Variants in KIT observed in about 807,000 individuals in gnomAD.
KIT encodes KIT proto-oncogene, receptor tyrosine kinase.
In KIT, 16 loss-of-function variants were observed where a neutral mutation model predicts 105.7. The ratio of observed to expected loss-of-function variants is 0.15; its 90% confidence interval spans 0.10 to 0.23. The LOEUF is 0.23. Ranked by LOEUF, KIT falls within the 10% of genes least tolerant of loss-of-function variation. KIT has a pLI of 1.00. For synonymous variants in KIT, 438 were observed against 441.1 expected (o/e 0.99, Z 0.09); for missense variants, 858 against 1,213.8 (o/e 0.71, Z 4.36).
intron 1 of KIT, among the ~76,000 whole-genome samples, chr4:54,672,065 T>C (rs553816888): frequency 6.6e-6 from 1 of 152,276 alleles, no homozygotes; most frequent in African/African-American, 2.4e-5. Context: ...TGAAGATACA[T>C]AAAAATATAA....
intron 1 of KIT, among the ~76,000 whole-genome samples, chr4:54,686,373 A>C (rs1188003404): frequency 6.6e-6 from 1 of 152,222 alleles, no homozygotes; most frequent in African/African-American, 2.4e-5. Context: ...TACAGTACTG[A>C]GACCTGGCAT....
intron 1 of KIT, among the ~76,000 whole-genome samples, chr4:54,666,059 G>A (rs1010092201): frequency 4.6e-5 from 7 of 152,114 alleles, no homozygotes; most frequent in Admixed American, 4.6e-4. Flanking sequence ...TGGGTATAGA[G>A]GAGGACATAG....
At chr4:54,716,375 G>A (rs1721498289) in intron 7 of KIT, among the ~76,000 whole-genome samples, 2 of 152,018 alleles carry the variant, frequency 1.3e-5, no homozygotes, top group Non-Finnish European at 2.9e-5. Context: ...CATTACAAAA[G>A]CATTATGTGA....
intron 1 of KIT, among the ~76,000 whole-genome samples, chr4:54,658,326 G>C (rs1361042759): frequency 6.6e-6 from 1 of 152,110 alleles, no homozygotes; most frequent in Non-Finnish European, 1.5e-5. Context: ...CGGGAATGGG[G>C]ACAGCAAGAG....
intron 5 of KIT, 67 bp from the exon 6 acceptor site, chr4:54,707,031 A>T: frequency 1.2e-6 from 1 of 860,772 alleles, no homozygotes; most frequent in Non-Finnish European, 1.9e-6. Flanking sequence ...TTCCAAGATG[A>T]GGTTCTGTTT....
At chr4:54,704,027 T>C (rs1720628456) in intron 5 of KIT, 135 bp downstream of exon 5, 2 of 839,382 alleles carry the variant, frequency 2.4e-6, no homozygotes, top group South Asian at 1.4e-5. Context: ...ATGAAAATTA[T>C]CCTTGTAGCC....
intron 1 of KIT, among the ~76,000 whole-genome samples, chr4:54,663,975 G>A (rs989837508): frequency 3.3e-5 from 5 of 152,134 alleles, no homozygotes; most frequent in Non-Finnish European, 5.9e-5. Context: ...GTGGAGGAGG[G>A]CCAGGGCAAG....
chr4:54,731,204 T>C (rs749847608), intron 14 of KIT, 124 bp from the exon 15 acceptor site: 3 of 747,002 alleles, frequency 4.0e-6, no homozygotes, highest in Non-Finnish European at 7.3e-6. Flanking sequence ...AAACTTTACA[T>C]GACTTTCCTC....
rs2109810993 is a variant in KIT at position 54,736,517 on chromosome 4, G to A, written c.2504G>A (p.Trp835Ter). The change falls in exon 18 of 21, where the codon TGG (tryptophan) becomes TAG (stop). Residue 835 changes from tryptophan (W) to a stop codon, truncating the protein, a stop_gained. Transcript: ENST00000288135. LOFTEE classifies it high-confidence loss of function. Reference protein sequence around the residue: ...VKGNARLPVKWMAPESIFNCV... With the variant: ...VKGNARLPVK ...TTACAGGCTCGACTACCTGTGAAGT[G>A]GATGGCACCTGAAAGCATTTTCAAC... 1 of 1,613,690 alleles carries A rather than the reference G, an allele frequency of 6.2e-7. No individual in the cohort carries two copies. Among genetic ancestry groups the A allele is most frequent in the Non-Finnish European group, 8.5e-7 (1 of 1,179,604 alleles).
chr4:54,707,479 C>T (rs892539214), intron 6 of KIT, among the ~76,000 whole-genome samples, 192 bp downstream of exon 6: 4 of 152,162 alleles, frequency 2.6e-5, no homozygotes, highest in Non-Finnish European at 5.9e-5. Context: ...CTCTTGCACA[C>T]GCATGCACAC....
chr4:54,659,231 T>C (rs183840797), intron 1 of KIT, among the ~76,000 whole-genome samples: 3 of 152,264 alleles, frequency 2.0e-5, no homozygotes, highest in African/African-American at 7.2e-5. Context: ...GAAATCCAGG[T>C]ATATCCGCGC....
Position 54,737,398 on chromosome 4 carries a change from T to A in KIT, c.2802+118T>A, listed in dbSNP as rs1202547730. On this transcript the variant is annotated intron_variant, in intron 20 of 20. Transcript: ENST00000288135. ...AACCCCTTCTCTCCTAATCTTAGGT[T>A]GCAAATTGGGCTTCAGGTAGGGGAA... is the stretch of plus-strand genomic sequence containing the variant. The A allele has an allele frequency of 3.9e-6, 3 of 761,294 alleles. No homozygotes were observed. In the East Asian group the frequency reaches 7.9e-5, roughly 20 times the overall value. 47.2% of individuals were successfully genotyped at this position (761,294 alleles called of 1,614,324 possible). A position where few individuals can be genotyped will look rare whatever the true frequency, so the allele number is the denominator to read the frequency against.
Position 54,731,878 on chromosome 4 carries a change from C to T in KIT, c.2241C>T (p.Tyr747=), listed in dbSNP as rs1722619026. Reference sequence around the variant, plus strand: ...ATCCTCTCTTCCTCACAGGCTCATACATAGAAAGAGATGTGACTCCCGCCA... The same window carrying T: ...ATCCTCTCTTCCTCACAGGCTCATATATAGAAAGAGATGTGACTCCCGCCA... The part of the protein sequence containing the change: ...DKRRSVRIGS[Y]IERDVTPAIM... The change falls in exon 16 of 21, where the codon TAC becomes TAT. Residue 747 remains tyrosine (Y), a synonymous_variant. Transcript: ENST00000288135. 1 of 1,613,322 alleles carries T rather than the reference C, an allele frequency of 6.2e-7. No homozygotes were observed. Among genetic ancestry groups the T allele is most frequent in the Non-Finnish European group, 8.5e-7 (1 of 1,179,506 alleles).
chr4:54,706,145 T>A (rs1450386094), intron 5 of KIT, among the ~76,000 whole-genome samples: 5 of 152,086 alleles, frequency 3.3e-5, no homozygotes, highest in African/African-American at 1.2e-4. Flanking sequence ...AGCACTTTTG[T>A]TTTTGGCCTG....
At chr4:54,713,302 T>C (rs1005741143) in intron 7 of KIT, among the ~76,000 whole-genome samples, 2 of 151,972 alleles carry the variant, frequency 1.3e-5, no homozygotes, top group Non-Finnish European at 2.9e-5. Flanking sequence ...CATTCTGTCA[T>C]TCTCATGATT....
chr4:54,671,469 G>C (rs1206348023), intron 1 of KIT, among the ~76,000 whole-genome samples: 1 of 152,194 alleles, frequency 6.6e-6, no homozygotes, highest in Non-Finnish European at 1.5e-5. Flanking sequence ...CAATTTCAAT[G>C]AAATTAGCAG....
intron 7 of KIT, among the ~76,000 whole-genome samples, chr4:54,713,497 A>G (rs1057365218): frequency 6.6e-6 from 1 of 152,190 alleles, no homozygotes; most frequent in African/African-American, 2.4e-5. Flanking sequence ...GCTGAGCCTC[A>G]AGGACAAAAG....
chr4:54,719,725 CAG>C (rs1407408603), intron 7 of KIT, among the ~76,000 whole-genome samples: 3 of 152,234 alleles, frequency 2.0e-5, no homozygotes, highest in African/African-American at 7.2e-5. Context: ...TGGAGAACTG[CAG>C]AGTTATGTAT....
intron 11 of KIT, 52 bp downstream of exon 11, chr4:54,727,594 G>A (rs2109778091): frequency 6.2e-7 from 1 of 1,610,782 alleles, no homozygotes; most frequent in Non-Finnish European, 8.5e-7. Flanking sequence ...ACACATAACA[G>A]TGACTTTAAG....
Sources: gnomAD v4.1 joint callset for allele counts (sites outside exome capture counted in the v4.1 genomes callset) on GRCh38, gnomAD v4.1.1 for gene constraint, MANE v1.5 for transcripts, NCBI Gene and HGNC (gene_info 2026-07-23, HGNC 2026-07-21) for gene names.